DNAH17: variants seen among roughly 807,000 people sequenced by gnomAD.
DNAH17 encodes the protein dynein axonemal heavy chain 17, also known as axonemal beta dynein heavy chain 17.
Under a neutral mutation model 485.6 loss-of-function variants are expected in DNAH17, and 376 were observed. The ratio of observed to expected loss-of-function variants is 0.77; its 90% CI spans 0.71 to 0.84. The LOEUF is 0.84. Ranked by LOEUF, DNAH17 falls within the 40% of genes least tolerant of loss-of-function variation. The pLI, the probability that DNAH17 is intolerant of heterozygous loss-of-function variation, is 0.00. For synonymous variants in DNAH17, 3,031 were observed against 2,405.9 expected (o/e 1.26, Z -7.60); for missense variants, 6,370 against 5,839.3 (o/e 1.09, Z -2.96).
At chr17:78,546,323 A>G (rs1368374526) in intron 16 of DNAH17, among the ~76,000 whole-genome samples, 1 of 152,158 alleles carries the variant, frequency 6.6e-6, no homozygotes, top group African/African-American at 2.4e-5. Context: ...CAACCTTTCC[A>G]TTTTGTTTTA....
intron 75 of DNAH17, among the ~76,000 whole-genome samples, chr17:78,433,466 G>T (rs528666756): frequency 1.3e-5 from 2 of 152,234 alleles, no homozygotes; most frequent in African/African-American, 2.4e-5. Flanking sequence ...TACGGAGGAT[G>T]TGTGGCTTTC....
chr17:78,489,288 A>C (rs1172173691), intron 44 of DNAH17: 1 of 152,282 alleles, frequency 6.6e-6, no homozygotes, highest in South Asian at 2.1e-4. Context: ...ACTTGCATGC[A>C]CCTGAAAACA....
chr17:78,566,160 T>A (rs1003428347), intron 11 of DNAH17, among the ~76,000 whole-genome samples: 2 of 152,120 alleles, frequency 1.3e-5, no homozygotes, highest in African/African-American at 4.8e-5. Context: ...GTGAAATGTT[T>A]GTTGTTTAAG....
intron 19 of DNAH17, among the ~76,000 whole-genome samples, chr17:78,533,446 C>T (rs1023728143): frequency 2.6e-5 from 4 of 152,144 alleles, no homozygotes; most frequent in Non-Finnish European, 5.9e-5. Context: ...GCAAAGGCCC[C>T]GTGGTGGGAG....
At position 78,457,462 on chromosome 17, in the gene DNAH17, T is replaced by C. The variant is rs191818258; in HGVS notation, c.9977+1103A>G. On this transcript the variant is annotated intron_variant, in intron 62 of 80. Transcript: ENST00000389840. ...GAAAACAAGCACAGGAAATACCTCATTGATAATTTTTATATTAGTTACGTG... is the reference window on the plus strand; with the variant it reads ...GAAAACAAGCACAGGAAATACCTCACTGATAATTTTTATATTAGTTACGTG... 2.4e-3 allele frequency among the ~76,000 whole-genome samples: 371 copies of C among 152,260 alleles called. 1 individual carries two copies. Among genetic ancestry groups the C allele is most frequent in the African/African-American group, 8.2e-3 (341 of 41,546 alleles).
At position 78,514,783 on chromosome 17, in the gene DNAH17, C is replaced by G; in HGVS notation, c.4104G>C (p.Gln1368His). 6.2e-7 allele frequency: 1 copy of G among 1,613,858 alleles called. No individual in the cohort carries two copies. ...IRERHWQQLM[Q>H]ATQVKFKMSE... ...CCATGGTGCATGGTACCTGGGTGGC[C>G]TGCATGAGCTGCTGCCAGTGGCGTT... The change falls in exon 26 of 81, where the codon CAG becomes CAC. Residue 1368 changes from glutamine to histidine, a missense_variant. By Grantham distance (24) the Gln-to-His change is conservative (BLOSUM62 0). Transcript: ENST00000389840.
intron 25 of DNAH17, among the ~76,000 whole-genome samples, chr17:78,520,207 C>A (rs558019017): frequency 6.6e-6 from 1 of 152,226 alleles, no homozygotes; most frequent in African/African-American, 2.4e-5. Context: ...GATCTAACAC[C>A]TGTTCATGAT....
At chr17:78,478,166 T>A (rs1483045204) in intron 51 of DNAH17, among the ~76,000 whole-genome samples, 3 of 137,390 alleles carry the variant, frequency 2.2e-5, no homozygotes, top group Admixed American at 7.4e-5. Flanking sequence ...ATTACCACCA[T>A]AACATCACCA....
At chr17:78,443,292 C>T (rs965708560) in intron 71 of DNAH17, among the ~76,000 whole-genome samples, 34 of 152,286 alleles carry the variant, frequency 2.2e-4, no homozygotes, top group Admixed American at 5.2e-4. Context: ...AGGGTGATCC[C>T]GCTGCGATGG....
chr17:78,457,197 C>G (rs779308565), intron 62 of DNAH17, among the ~76,000 whole-genome samples: 4 of 152,152 alleles, frequency 2.6e-5, no homozygotes, highest in African/African-American at 7.2e-5. Flanking sequence ...ATGGTGAAAC[C>G]CTGTCTCTAC....
intron 32 of DNAH17, 48 bp from the exon 33 acceptor site, chr17:78,502,746 G>A (rs747794414): frequency 4.1e-5 from 66 of 1,597,694 alleles, no homozygotes; most frequent in Middle Eastern, 1.7e-4. Flanking sequence ...GATCGCTGGC[G>A]CCTGCTAACG....
Position 78,492,649 on chromosome 17 carries a change from G to A in DNAH17, c.6525C>T (p.Thr2175=), listed in dbSNP as rs779856394. ...CCTCGTTACCATCTTTCCATTCCCTGGTCACTGGGTTGATGATGCCAAAGA... is the reference window on the plus strand; with the variant it reads ...CCTCGTTACCATCTTTCCATTCCCTAGTCACTGGGTTGATGATGCCAAAGA... ...DELFGIINPV[T]REWKDGLFST... is the part of the protein sequence containing the mutation. Residue 2175 remains threonine (T), a synonymous_variant, in exon 42 of 81, where the codon ACC becomes ACT. Transcript: ENST00000389840. 3.1e-6 allele frequency: 5 copies of A among 1,613,706 alleles called. No individual in the cohort carries two copies. Among genetic ancestry groups the A allele is most frequent in the Non-Finnish European group, 4.2e-6 (5 of 1,179,778 alleles).
chr17:78,507,856 T>C, intron 27 of DNAH17, 51 bp from the exon 28 acceptor site: 1 of 1,459,738 alleles, frequency 6.9e-7, no homozygotes, highest in Non-Finnish European at 9.1e-7. Flanking sequence ...CATGCAAAGC[T>C]CAGGCAGGAC....
rs758026914 is a variant in DNAH17, at chr17:78,475,781, G to A, written c.8207C>T (p.Ala2736Val). The change falls in exon 53 of 81, where the codon GCT becomes GTT. Residue 2736 changes from alanine (A) to valine (V), a missense_variant. By Grantham distance (64) the Ala-to-Val change is moderately conservative. Transcript: ENST00000389840. ...FAKPNIFCHF[A>V]QGIGDPKYVP... ...ATATTTGGGATCGCCAATCCCTTGA[G>A]CAAAGTGGCAGAAGATATTTGGCTT... The A allele has an allele frequency of 2.5e-6, 4 of 1,613,814 alleles. No homozygotes were observed. Among genetic ancestry groups the A allele is most frequent in the African/African-American group, 2.7e-5 (2 of 74,890 alleles).
At chr17:78,481,372 G>T (rs563380402) in intron 48 of DNAH17, among the ~76,000 whole-genome samples, 1 of 152,112 alleles carries the variant, frequency 6.6e-6, no homozygotes, top group Non-Finnish European at 1.5e-5. Context: ...CAAATGCTGG[G>T]ATTACTCCAT....
chr17:78,542,638 T>C (rs2091628036), intron 17 of DNAH17, among the ~76,000 whole-genome samples: 1 of 152,234 alleles, frequency 6.6e-6, no homozygotes. Context: ...TCTACTGTTC[T>C]GCATTCTCCC....
At position 78,557,636 on chromosome 17, in the gene DNAH17, C is replaced by CAAAAAAAAAAAAAA. The variant is rs34251460; in HGVS notation, c.2178+458_2178+471dup. 3.5e-3 allele frequency among the ~76,000 whole-genome samples: 103 copies of CAAAAAAAAAAAAAA among 29,042 alleles called. 3 individuals are homozygous for CAAAAAAAAAAAAAA. The highest frequency in any genetic ancestry group is 4.7e-3 in the Non-Finnish European group (67 of 14,208). The allele number at this position is 29,042 out of a possible 152,430, so 19.1% of individuals were successfully genotyped here. ...CCTGGGTGACAGAGTGAGACTGTCT[C>CAAAAAAAAAAAAAA]AAAAAAAAAAAAAAAAAAAAAAAAA... is the stretch of plus-strand genomic sequence containing the variant. On this transcript the variant is annotated intron_variant, in intron 14 of 80. Coordinates refer to ENST00000389840, the MANE Select transcript of DNAH17 (RefSeq NM_173628.4).
At chr17:78,557,249 G>T (rs1172020939) in intron 14 of DNAH17, among the ~76,000 whole-genome samples, 1 of 152,122 alleles carries the variant, frequency 6.6e-6, no homozygotes, top group South Asian at 2.1e-4. Flanking sequence ...CACATTAACA[G>T]AAGTAATGGA....
At chr17:78,481,019 T>C (rs991720103) in intron 48 of DNAH17, among the ~76,000 whole-genome samples, 10 of 151,812 alleles carry the variant, frequency 6.6e-5, no homozygotes, top group Non-Finnish European at 1.3e-4. Flanking sequence ...ATGGTCTCGA[T>C]CTCCTAACCT....
Sources: gnomAD v4.1 joint callset for allele counts (sites outside exome capture counted in the v4.1 genomes callset) on GRCh38, gnomAD v4.1.1 for gene constraint, MANE v1.5 for transcripts, NCBI Gene and HGNC (gene_info 2026-07-23, HGNC 2026-07-21) for gene names.